The following DIAPH2 variants were observed in gnomAD, a reference collection of about 807,000 sequenced individuals.
DIAPH2 encodes protein diaphanous homolog 2.
Under a neutral mutation model 92.7 loss-of-function variants are expected in DIAPH2, and 35 were observed. The observed-to-expected ratio is 0.38, with a 90% confidence interval of 0.29 to 0.50. The LOEUF (loss-of-function observed/expected upper bound fraction) is 0.50, where lower values mean the gene tolerates loss of function less well. Ranked by LOEUF, DIAPH2 falls within the 20% of genes least tolerant of loss-of-function variation. DIAPH2 has a pLI of 0.94. For missense variants in DIAPH2, 701 were observed against 819.5 expected (o/e 0.86, Z 1.77); for synonymous variants, 301 against 280.4 (o/e 1.07, Z -0.73).
At chrX:96,699,242 C>T (rs1323394877) in intron 1 of DIAPH2, among the ~76,000 whole-genome samples, 3 of 112,099 alleles carry the variant, frequency 2.7e-5, no homozygotes, top group Non-Finnish European at 5.6e-5. Context: ...TTCATATTTT[C>T]TCTAAATATA....
intron 26 of DIAPH2, among the ~76,000 whole-genome samples, chrX:97,485,228 G>T (rs2070679733): frequency 9.0e-6 from 1 of 111,395 alleles, no homozygotes; most frequent in Non-Finnish European, 1.9e-5. Context: ...GTCTAAACTG[G>T]CAGATTCTTT....
At chrX:97,407,779 A>C (rs1179059221) in intron 25 of DIAPH2, among the ~76,000 whole-genome samples, 1 of 112,397 alleles carries the variant, frequency 8.9e-6, no homozygotes, top group African/African-American at 3.2e-5. Flanking sequence ...AACAGTAACT[A>C]GATGGCAACA....
At chrX:97,597,842 A>C (rs1220642258) in intron 26 of DIAPH2, among the ~76,000 whole-genome samples, 1 of 111,448 alleles carries the variant, frequency 9.0e-6, no homozygotes, top group African/African-American at 3.3e-5. Context: ...ACACCCAAAT[A>C]ATCCATCACT....
chrX:96,806,646 C>CAAAAAAAAAAAAAA (rs1234663626), intron 4 of DIAPH2, among the ~76,000 whole-genome samples: 5 of 34,435 alleles, frequency 1.5e-4, no homozygotes, highest in African/African-American at 3.0e-4. Context: ...AACTCCATCT[C>CAAAAAAAAAAAAAA]AAAAAAAAAA....
chrX:96,762,101 A>T (rs2064272816), intron 4 of DIAPH2, among the ~76,000 whole-genome samples: 1 of 111,883 alleles, frequency 8.9e-6, no homozygotes, highest in Non-Finnish European at 1.9e-5. Context: ...ACACATTTTG[A>T]TAATAACTGC....
intron 24 of DIAPH2, among the ~76,000 whole-genome samples, chrX:97,352,184 A>T (rs2069222000): frequency 9.0e-6 from 1 of 111,182 alleles, no homozygotes; most frequent in Non-Finnish European, 1.9e-5. Flanking sequence ...TGTGCTACCA[A>T]AAATTACTTC....
At chrX:97,389,855 T>C (rs959339570) in intron 25 of DIAPH2, among the ~76,000 whole-genome samples, 1 of 110,661 alleles carries the variant, frequency 9.0e-6, no homozygotes, top group African/African-American at 3.3e-5. Context: ...AGTCATTGAT[T>C]GACCAGGGCA....
At chrX:96,918,711 T>C in intron 9 of DIAPH2, 94 bp downstream of exon 9, 1 of 611,879 alleles carries the variant, frequency 1.6e-6, no homozygotes, top group African/African-American at 2.4e-5. Context: ...ATTTAAGTAG[T>C]ATGGAATGTA....
chrX:97,564,734 A>G (rs191062867), intron 26 of DIAPH2, among the ~76,000 whole-genome samples: 2 of 112,001 alleles, frequency 1.8e-5, no homozygotes, highest in East Asian at 5.6e-4. Context: ...GCAGAAACAA[A>G]TGGGGAAAGG....
At chrX:97,557,679 A>G (rs922662238) in intron 26 of DIAPH2, among the ~76,000 whole-genome samples, 2 of 112,424 alleles carry the variant, frequency 1.8e-5, no homozygotes, top group African/African-American at 6.5e-5. Flanking sequence ...TGGAAAGGCC[A>G]TTTTGATTTT....
intron 4 of DIAPH2, among the ~76,000 whole-genome samples, chrX:96,825,931 CT>C (rs1203749512): frequency 1.8e-5 from 2 of 111,715 alleles, no homozygotes; most frequent in African/African-American, 6.5e-5. Context: ...TTCAGAATTA[CT>C]TTTATAAAGC....
chrX:97,222,450 C>G (rs1226997656), intron 22 of DIAPH2, among the ~76,000 whole-genome samples: 6 of 111,836 alleles, frequency 5.4e-5, no homozygotes, highest in Non-Finnish European at 9.4e-5. Context: ...GTGATCCACC[C>G]TCCTTGGCCT....
chrX:96,979,824 G>A (rs1334540627), intron 17 of DIAPH2, among the ~76,000 whole-genome samples: 1 of 111,856 alleles, frequency 8.9e-6, no homozygotes, highest in Admixed American at 9.5e-5. Context: ...AATTTTCCCA[G>A]ACTCCTTCAC....
At chrX:97,410,466 GA>G (rs1479579914) in intron 25 of DIAPH2, among the ~76,000 whole-genome samples, 1 of 112,169 alleles carries the variant, frequency 8.9e-6, no homozygotes, top group African/African-American at 3.2e-5. Flanking sequence ...AACCAGAGCA[GA>G]AAAGGTGAAA....
At chrX:96,854,598 C>CATATCT (rs2065026000) in intron 4 of DIAPH2, among the ~76,000 whole-genome samples, 1 of 37,132 alleles carries the variant, frequency 2.7e-5, no homozygotes, top group Non-Finnish European at 5.2e-5. Flanking sequence ...CTCTCTCTCT[C>CATATCT]ATATATATAT....
intron 17 of DIAPH2, among the ~76,000 whole-genome samples, chrX:96,980,697 T>G (rs2065990610): frequency 9.0e-6 from 1 of 110,650 alleles, no homozygotes; most frequent in Admixed American, 9.7e-5. Flanking sequence ...TGTATATATC[T>G]ATGTATATGT....
intron 3 of DIAPH2, among the ~76,000 whole-genome samples, chrX:96,742,281 A>G (rs1334504529): frequency 9.0e-6 from 1 of 111,361 alleles, no homozygotes; most frequent in Non-Finnish European, 1.9e-5. Context: ...TTTCTTACCC[A>G]CCTCCACTGA....
chrX:97,432,576 T>C (rs192181570), intron 26 of DIAPH2, among the ~76,000 whole-genome samples: 1,996 of 111,746 alleles, frequency 0.018, 44 homozygotes, highest in African/African-American at 0.061. Flanking sequence ...AGCCTCTACC[T>C]CCCAGGTTCA....
chrX:97,363,193 C>G (rs1602536363), intron 24 of DIAPH2, among the ~76,000 whole-genome samples: 1 of 112,142 alleles, frequency 8.9e-6, no homozygotes, highest in East Asian at 2.8e-4. Context: ...ATATTGTCTA[C>G]TTTTAGACAC....
Sources: gnomAD v4.1 joint callset for allele counts (sites outside exome capture counted in the v4.1 genomes callset) on GRCh38, gnomAD v4.1.1 for gene constraint, MANE v1.5 for transcripts, NCBI Gene and HGNC (gene_info 2026-07-23, HGNC 2026-07-21) for gene names.